SMC2: variants seen among roughly 807,000 people sequenced by gnomAD.
SMC2 encodes the protein structural maintenance of chromosomes protein 2.
SMC2 carries 41 observed loss-of-function variants against 142.6 expected under a neutral mutation model. The ratio of observed to expected loss-of-function variants is 0.29; its 90% CI spans 0.22 to 0.37. SMC2 has a LOEUF of 0.37. Ranked by LOEUF, SMC2 falls within the 10% of genes least tolerant of loss-of-function variation. SMC2 has a pLI of 1.00. For synonymous variants in SMC2, 463 were observed against 457.5 expected (o/e 1.01, Z -0.15); for missense variants, 1,265 against 1,373.7 (o/e 0.92, Z 1.25).
At chr9:104,096,076 G>A in intron 2 of SMC2, 72 bp from the exon 3 acceptor site, 3 of 1,413,250 alleles carry the variant, frequency 2.1e-6, no homozygotes, top group Non-Finnish European at 2.9e-6. Flanking sequence ...CAACAGCAAG[G>A]GACCCATTTT....
chr9:104,116,424 A>G (rs575018477), intron 14 of SMC2, 105 bp downstream of exon 14: 5 of 1,104,344 alleles, frequency 4.5e-6, no homozygotes, highest in Non-Finnish European at 6.2e-6. Flanking sequence ...GAACCACAAA[A>G]TTAAAATACA....
chr9:104,091,900 T>C (rs563704216), upstream of SMC2, among the ~76,000 whole-genome samples: 4 of 152,292 alleles, frequency 2.6e-5, no homozygotes, highest in East Asian at 5.8e-4. Context: ...CAGACTCCAC[T>C]AGCTGCCAGA....
intron 7 of SMC2, among the ~76,000 whole-genome samples, chr9:104,101,026 C>T (rs1289463110): frequency 6.6e-6 from 1 of 152,168 alleles, no homozygotes; most frequent in Non-Finnish European, 1.5e-5. Flanking sequence ...CAGCCTCCAC[C>T]TCCCGGTCTC....
intron 24 of SMC2, 67 bp from the exon 25 acceptor site, chr9:104,139,072 G>C (rs2131586630): frequency 9.7e-7 from 1 of 1,033,702 alleles, no homozygotes; most frequent in South Asian, 1.8e-5. Context: ...CTTATCACCA[G>C]TATAAAGGAG....
At chr9:104,121,161 C>A (rs999363432) in intron 16 of SMC2, among the ~76,000 whole-genome samples, 11 of 152,154 alleles carry the variant, frequency 7.2e-5, no homozygotes, top group Non-Finnish European at 1.2e-4. Flanking sequence ...TTGAAAGCTT[C>A]ATAAGTTAAA....
intron 23 of SMC2, among the ~76,000 whole-genome samples, chr9:104,136,774 G>C (rs62583526): frequency 0.051 from 6,811 of 134,376 alleles, 507 homozygotes; most frequent in African/African-American, 0.17. Flanking sequence ...TTTTTTTTTG[G>C]CTAGCAATTT....
At chr9:104,131,329 A>C (rs1206598949) in intron 21 of SMC2, among the ~76,000 whole-genome samples, 1 of 152,182 alleles carries the variant, frequency 6.6e-6, no homozygotes, top group Non-Finnish European at 1.5e-5. Flanking sequence ...GTAAAAGACC[A>C]TATGGCCAGA....
intron 19 of SMC2, 94 bp from the exon 20 acceptor site, chr9:104,127,192 C>G: frequency 3.1e-6 from 3 of 964,264 alleles, no homozygotes; most frequent in Non-Finnish European, 4.5e-6. Context: ...TCACATTGCC[C>G]TCTTGCCCAG....
At chr9:104,099,495 A>T in intron 4 of SMC2, 149 bp from the exon 5 acceptor site, 1 of 543,394 alleles carries the variant, frequency 1.8e-6, no homozygotes, top group Non-Finnish European at 3.3e-6. Context: ...CCAAAATTCT[A>T]GAATCATAGA....
chr9:104,111,157 T>G (rs1288553722), intron 9 of SMC2, among the ~76,000 whole-genome samples: 1 of 152,192 alleles, frequency 6.6e-6, no homozygotes, highest in Non-Finnish European at 1.5e-5. Flanking sequence ...TGAAACTATT[T>G]AATGCTCAAA....
At chr9:104,121,616 A>T (rs532336395) in intron 16 of SMC2, among the ~76,000 whole-genome samples, 18 of 152,318 alleles carry the variant, frequency 1.2e-4, no homozygotes, top group African/African-American at 3.4e-4. Context: ...AATACAATTT[A>T]AAAAATCTAA....
chr9:104,090,077 G>A (rs1026919344), upstream of SMC2, among the ~76,000 whole-genome samples: 1 of 152,198 alleles, frequency 6.6e-6, no homozygotes, highest in African/African-American at 2.4e-5. Flanking sequence ...AAAGATCACT[G>A]ATGTTCTTCA....
Position 104,129,703 on chromosome 9 carries a change from A to G in SMC2, c.2849A>G (p.Gln950Arg), listed in dbSNP as rs1443259536. 4 of 1,613,940 alleles carry G rather than the reference A, an allele frequency of 2.5e-6. No individual in the cohort carries two copies. The highest frequency in any genetic ancestry group is 1.3e-5 in the African/African-American group (1 of 74,910). Residue 950 changes from glutamine (Q) to arginine (R), a missense_variant, in exon 21 of 25, where the codon CAA becomes CGA. Around this residue, in one of 4 missense-constraint regions of SMC2, gnomAD observed 898 missense variants for 904.2 expected, o/e 0.99. Transcript: ENST00000374793. ...AATGCAGAGAGACACCTCTTTGGCC[A>G]ACCCAATAGTGCCTATGATTTCAAA... The part of the protein sequence containing the change: ...WINAERHLFG[Q>R]PNSAYDFKTN...
intron 21 of SMC2, 112 bp downstream of exon 21, chr9:104,129,957 T>TA (rs747819959): frequency 6.6e-6 from 5 of 757,600 alleles, no homozygotes; most frequent in Non-Finnish European, 1.1e-5. Context: ...ATGTCCTTGA[T>TA]ACTTTTCTTT....
At chr9:104,128,485 C>T (rs1834562421) in intron 20 of SMC2, among the ~76,000 whole-genome samples, 1 of 152,116 alleles carries the variant, frequency 6.6e-6, no homozygotes, top group Non-Finnish European at 1.5e-5. Flanking sequence ...AGAAGTCAAT[C>T]AAAGATTTAT....
chr9:104,122,102 A>G (rs1421086001), intron 16 of SMC2, among the ~76,000 whole-genome samples: 1 of 152,234 alleles, frequency 6.6e-6, no homozygotes, highest in Admixed American at 6.5e-5. Flanking sequence ...TGAGAAGAGT[A>G]GAACAGAATT....
Position 104,125,029 on chromosome 9 carries a change from A to C in SMC2, c.2375A>C (p.Lys792Thr), listed in dbSNP as rs1240214574. Reference protein sequence around the residue: ...NAEAERERELKDAQKKLDCAK... With the variant: ...NAEAERERELTDAQKKLDCAK... ...GAAGCTGAAAGAGAGCGAGAACTGA[A>C]AGATGCTCAGAAAAAACTGGATTGT... The change falls in exon 18 of 25, where the codon AAA becomes ACA. Residue 792 changes from lysine (K) to threonine (T), a missense_variant. This residue lies in a region of SMC2 where 898 missense variants were observed against 904.2 expected (regional missense o/e 0.99). Coordinates refer to ENST00000374793, the MANE Select transcript of SMC2 (RefSeq NM_006444.3). 2 of 1,607,040 alleles carry C rather than the reference A, an allele frequency of 1.2e-6. No homozygotes were observed. Among genetic ancestry groups the C allele is most frequent in the Non-Finnish European group, 1.7e-6 (2 of 1,178,538 alleles).
In SMC2 at chr9:104,140,815, A is replaced by G. The variant is rs1835996021; in HGVS notation, c.*1500A>G. 6.6e-6 allele frequency: 1 copy of G among 152,452 alleles called. No homozygotes were observed. Among genetic ancestry groups the G allele is most frequent in the Non-Finnish European group, 1.5e-5 (1 of 68,044 alleles). The allele number at this position is 152,452 out of a possible 1,614,324, so 9.4% of individuals were successfully genotyped here. ...TATTAAAGTATACCATAGTATACAA[A>G]TTAGTCAGTACTTGCTGTTAATTTT... On this transcript the variant is annotated 3_prime_UTR_variant, in exon 25 of 25. Coordinates refer to ENST00000374793, the MANE Select transcript of SMC2 (RefSeq NM_006444.3).
At chr9:104,130,245 A>T (rs540442123) in intron 21 of SMC2, among the ~76,000 whole-genome samples, 9 of 152,322 alleles carry the variant, frequency 5.9e-5, no homozygotes, top group African/African-American at 2.2e-4. Context: ...ACTGATCTGT[A>T]AATTCTGCAG....
Sources: allele counts gnomAD v4.1 joint callset (sites outside exome capture counted in the v4.1 genomes callset), GRCh38; gene constraint gnomAD v4.1.1; regional missense constraint gnomAD v4.1.1; transcripts MANE v1.5; gene names NCBI Gene and HGNC (gene_info 2026-07-23, HGNC 2026-07-21).